The following WDR45B variants were observed in gnomAD, a reference collection of about 807,000 sequenced individuals.
WDR45B encodes the protein WD repeat domain 45B.
Under a neutral mutation model 44.6 loss-of-function variants are expected in WDR45B, and 20 were observed. That is an observed-to-expected ratio of 0.45 (90% confidence interval 0.32 to 0.65). WDR45B has a LOEUF of 0.65. Among genes scored for constraint, WDR45B ranks in the 30% least tolerant of loss-of-function variants. WDR45B has a pLI of 0.05. For synonymous variants in WDR45B, 169 were observed against 164.9 expected, an observed-to-expected ratio of 1.02 and a Z score of -0.19; for missense variants, 323 against 430.2, an observed-to-expected ratio of 0.75 and a Z score of 2.20.
At chr17:82,620,531 T>G (rs996495855) in intron 6 of WDR45B, among the ~76,000 whole-genome samples, 1 of 152,172 alleles carries the variant, frequency 6.6e-6, no homozygotes, top group Non-Finnish European at 1.5e-5. Context: ...AAACCGCGTG[T>G]CCCCACGTGC....
chr17:82,646,366 A>G (rs867153512), intron 1 of WDR45B, among the ~76,000 whole-genome samples: 1 of 151,486 alleles, frequency 6.6e-6, no homozygotes, highest in African/African-American at 2.4e-5. Flanking sequence ...GCATGCCTGT[A>G]ATCTCAGCTA....
intron 4 of WDR45B, chr17:82,626,745 CCT>C (rs1448125391): frequency 1.3e-5 from 3 of 233,772 alleles, no homozygotes; most frequent in Admixed American, 5.2e-5. Context: ...CCTAAACGCC[CCT>C]GAGACCATGG....
chr17:82,620,492 G>A (rs906689737), intron 6 of WDR45B, among the ~76,000 whole-genome samples: 3 of 152,206 alleles, frequency 2.0e-5, no homozygotes, highest in African/African-American at 7.2e-5. Context: ...GTTCTCAGCT[G>A]AGTCCCAGGA....
At chr17:82,622,608 A>G (rs1363975156) in intron 5 of WDR45B, among the ~76,000 whole-genome samples, 1 of 151,806 alleles carries the variant, frequency 6.6e-6, no homozygotes, top group Non-Finnish European at 1.5e-5. Flanking sequence ...AATTTTTTGT[A>G]TTTTTAGTAG....
At chr17:82,616,496 G>A (rs2045537340) in intron 9 of WDR45B, 28 bp downstream of exon 9, 1 of 1,613,070 alleles carries the variant, frequency 6.2e-7, no homozygotes, top group Non-Finnish European at 8.5e-7. Context: ...GGCGGGTGGG[G>A]ACGTTCTCTC....
intron 1 of WDR45B, among the ~76,000 whole-genome samples, chr17:82,647,745 G>C (rs2045998130): frequency 1.3e-5 from 2 of 151,998 alleles, no homozygotes; most frequent in Admixed American, 1.3e-4. Flanking sequence ...AGGCGTCGGA[G>C]ACGCCGGCTC....
intron 1 of WDR45B, 128 bp downstream of exon 1, chr17:82,648,146 C>G (rs1414646108): frequency 9.0e-7 from 1 of 1,112,336 alleles, no homozygotes; most frequent in Non-Finnish European, 1.2e-6. Context: ...GAGGGGAGCT[C>G]GGGCGGGGCC....
chr17:82,643,829 C>T (rs1433482263), intron 2 of WDR45B, 120 bp downstream of exon 2: 3 of 939,322 alleles, frequency 3.2e-6, no homozygotes, highest in Non-Finnish European at 5.1e-6. Flanking sequence ...TATGAGGGGC[C>T]ATGAACCCTA....
intron 3 of WDR45B, among the ~76,000 whole-genome samples, chr17:82,628,241 C>T (rs960866599): frequency 2.0e-5 from 3 of 152,314 alleles, no homozygotes; most frequent in South Asian, 2.1e-4. Context: ...GATCTGCCCA[C>T]CTCAACTTCC....
chr17:82,645,813 A>G (rs1033092471), intron 1 of WDR45B, among the ~76,000 whole-genome samples: 1 of 152,172 alleles, frequency 6.6e-6, no homozygotes, highest in Non-Finnish European at 1.5e-5. Context: ...TGTCTGCACA[A>G]AAGAACATTG....
chr17:82,624,986 C>G (rs1027363984), intron 5 of WDR45B, among the ~76,000 whole-genome samples: 3 of 152,058 alleles, frequency 2.0e-5, no homozygotes, highest in Non-Finnish European at 4.4e-5. Context: ...AGGCAAAACC[C>G]CCAATATAAA....
At chr17:82,640,517 A>G (rs1328012692) in intron 2 of WDR45B, among the ~76,000 whole-genome samples, 2 of 151,770 alleles carry the variant, frequency 1.3e-5, no homozygotes, top group African/African-American at 2.4e-5. Flanking sequence ...GGTCCAGCTA[A>G]TTTTTGTATT....
chr17:82,647,600 G>C (rs139550461), intron 1 of WDR45B, among the ~76,000 whole-genome samples: 4 of 152,010 alleles, frequency 2.6e-5, no homozygotes, highest in African/African-American at 7.3e-5. Flanking sequence ...TCCCTCAAAG[G>C]CCTCCCTTAA....
intron 2 of WDR45B, among the ~76,000 whole-genome samples, chr17:82,636,748 C>T (rs542408237): frequency 2.0e-5 from 3 of 152,084 alleles, no homozygotes; most frequent in African/African-American, 7.3e-5. Flanking sequence ...CTTCCTTGCC[C>T]CTAGTTACTG....
At chr17:82,633,136 C>G (rs2045789735) in intron 2 of WDR45B, among the ~76,000 whole-genome samples, 1 of 146,958 alleles carries the variant, frequency 6.8e-6, no homozygotes, top group Admixed American at 7.0e-5. Flanking sequence ...GCACTCCAGC[C>G]TGGGCGAAGG....
In WDR45B at chr17:82,615,902, G is replaced by A. The variant is rs1419808713; in HGVS notation, c.*17C>T. 1.2e-6 allele frequency: 2 copies of A among 1,610,550 alleles called. No homozygotes were observed. The highest frequency in any genetic ancestry group is 8.5e-7 in the Non-Finnish European group (1 of 1,177,362). ...GAAGGCGGCAGGTGGTGGGTGCTGTGGCGCCCCCAGCTGGAGTCACAGCTT... is the reference window on the plus strand; with the variant it reads ...GAAGGCGGCAGGTGGTGGGTGCTGTAGCGCCCCCAGCTGGAGTCACAGCTT... On this transcript the variant is annotated 3_prime_UTR_variant, in exon 10 of 10. Coordinates refer to ENST00000392325, the MANE Select transcript of WDR45B (RefSeq NM_019613.4).
chr17:82,636,894 T>C (rs1031092040), intron 2 of WDR45B, among the ~76,000 whole-genome samples: 2 of 151,948 alleles, frequency 1.3e-5, no homozygotes, highest in African/African-American at 4.9e-5. Context: ...CCTCCCCTTC[T>C]ATATTTAGAA....
At chr17:82,634,150 C>CAAAAAAAAAAAAAAAAAAAAAAA (rs36183298) in intron 2 of WDR45B, among the ~76,000 whole-genome samples, 5 of 31,908 alleles carry the variant, frequency 1.6e-4, no homozygotes, top group African/African-American at 6.2e-4. Context: ...GACTCCATCT[C>CAAAAAAAAAAAAAAAAAAAAAAA]AAAAAAAAAA....
Position 82,625,452 on chromosome 17 carries a change from C to G in WDR45B, c.364G>C (p.Val122Leu). Residue 122 changes from valine (V) to leucine (L), a missense_variant, in exon 5 of 10, where the codon GTG becomes CTG. Transcript: ENST00000392325. ...TGGGGATTGTGTGTGAATGTGAACA[C>G]CTTAATCATGGAGTCCAAAACCACC... ...IVVVLDSMIK[V>L]FTFTHNPHQL... The G allele has an allele frequency of 6.2e-7, 1 of 1,614,144 alleles. No homozygotes were observed. Among genetic ancestry groups the G allele is most frequent in the Non-Finnish European group, 8.5e-7 (1 of 1,180,032 alleles).
Sources: gnomAD v4.1 joint callset for allele counts (sites outside exome capture counted in the v4.1 genomes callset) on GRCh38, gnomAD v4.1.1 for gene constraint, MANE v1.5 for transcripts, NCBI Gene and HGNC (gene_info 2026-07-23, HGNC 2026-07-21) for gene names.